Variants in ANKRD30B observed in about 807,000 individuals in gnomAD.
ANKRD30B encodes the protein ankyrin repeat domain 30B, also known as ankyrin repeat domain-containing protein 30B.
Under a neutral mutation model 202.2 loss-of-function variants are expected in ANKRD30B, and 144 were observed. The observed-to-expected ratio is 0.71, with a 90% CI of 0.62 to 0.82. The LOEUF (loss-of-function observed/expected upper bound fraction) is 0.82, where lower values mean the gene tolerates loss of function less well. Among genes scored for constraint, ANKRD30B ranks in the 40% least tolerant of loss-of-function variants. The pLI, the probability that ANKRD30B is intolerant of heterozygous loss-of-function variation, is 0.00. For synonymous variants in ANKRD30B, 508 were observed against 561.3 expected (o/e 0.91, Z 1.34); for missense variants, 1,487 against 1,669.1 (o/e 0.89, Z 1.90).
At chr18:14,824,160 C>G (rs1012684677) in intron 32 of ANKRD30B, among the ~76,000 whole-genome samples, 1 of 150,456 alleles carries the variant, frequency 6.6e-6, no homozygotes, top group Non-Finnish European at 1.5e-5. Context: ...CAGTTAGCTC[C>G]GCTTTGATTT....
chr18:14,826,673 TCC>T (rs751436169), intron 32 of ANKRD30B, among the ~76,000 whole-genome samples: 10 of 120,044 alleles, frequency 8.3e-5, no homozygotes, highest in African/African-American at 1.4e-4. Context: ...TCTCTCTCTC[TCC>T]CCCTCTCTCT....
At chr18:14,872,743 C>A in the ANKRD30B span, among the ~76,000 whole-genome samples, 20 of 152,256 alleles carry the variant, frequency 1.3e-4, no homozygotes, top group East Asian at 3.1e-3. Context: ...AGCCCTGAAA[C>A]CTTCCAGGCT....
At chr18:14,931,547 G>A in the ANKRD30B span, among the ~76,000 whole-genome samples, 1 of 152,198 alleles carries the variant, frequency 6.6e-6, no homozygotes, top group Admixed American at 6.5e-5. Context: ...CTCTAGCAGT[G>A]TAAGGCGGAG....
At chr18:14,775,092 A>C (rs762260233) in intron 9 of ANKRD30B, among the ~76,000 whole-genome samples, 1 of 152,204 alleles carries the variant, frequency 6.6e-6, no homozygotes, top group South Asian at 2.1e-4. Flanking sequence ...ATGCCACTGC[A>C]CTCCAGCCTG....
chr18:14,795,722 C>T (rs1456688507), intron 16 of ANKRD30B, among the ~76,000 whole-genome samples: 2 of 152,150 alleles, frequency 1.3e-5, no homozygotes, highest in Non-Finnish European at 2.9e-5. Flanking sequence ...GAATTCTCAT[C>T]GCAGCTTTGC....
chr18:14,860,359 C>A, the ANKRD30B span, among the ~76,000 whole-genome samples: 2 of 116,550 alleles, frequency 1.7e-5, no homozygotes, highest in East Asian at 2.6e-4. Flanking sequence ...GGCTGCCGGG[C>A]AGAGGCGCTC....
chr18:14,932,461 C>G, the ANKRD30B span, among the ~76,000 whole-genome samples: 1 of 152,148 alleles, frequency 6.6e-6, no homozygotes, highest in African/African-American at 2.4e-5. Context: ...CTCAGCCTCC[C>G]GAGTAGCTGG....
At chr18:14,881,059 G>A in the ANKRD30B span, among the ~76,000 whole-genome samples, 1 of 152,120 alleles carries the variant, frequency 6.6e-6, no homozygotes, top group Non-Finnish European at 1.5e-5. Flanking sequence ...CCTCTTTACC[G>A]ATTTGGATTT....
Position 14,825,350 on chromosome 18 carries a change from G to A in ANKRD30B, c.2743+2673G>A, listed in dbSNP as rs1427807657. 4 of 152,132 alleles carry A rather than the reference G, an allele frequency of 2.6e-5. No homozygotes were observed. The East Asian group carries it at 7.7e-4, about 29-fold the overall frequency. 9.4% of individuals were successfully genotyped at this position (152,132 alleles called of 1,614,324 possible). A position where few individuals can be genotyped will look rare whatever the true frequency, so the allele number is the denominator to read the frequency against. ...TGCCTGAGTCTGCATTCTTGGCCTC[G>A]ATAAGCCTGCAAAGTTCACATTTAT... On this transcript the variant is annotated intron_variant, in intron 32 of 43. Coordinates refer to ENST00000690538, the MANE Select transcript of ANKRD30B (RefSeq NM_001367607.2).
chr18:14,752,799 C>A, intron 2 of ANKRD30B, 40 bp from the exon 3 acceptor site: 1 of 1,570,354 alleles, frequency 6.4e-7, no homozygotes, highest in Non-Finnish European at 8.7e-7. Flanking sequence ...ATTTTGATTT[C>A]CTATAATTTA....
chr18:14,782,747 T>A (rs771438669), intron 12 of ANKRD30B, 133 bp downstream of exon 12: 9 of 524,434 alleles, frequency 1.7e-5, no homozygotes, highest in Non-Finnish European at 2.6e-5. Context: ...AGTAAAATGA[T>A]AAGTTATGTA....
the ANKRD30B span, among the ~76,000 whole-genome samples, chr18:14,883,060 C>T: frequency 1.1e-4 from 16 of 142,814 alleles, no homozygotes; most frequent in East Asian, 2.1e-4. Context: ...GCAGAAAATA[C>T]GGAGGCATCT....
At chr18:14,793,889 G>T (rs940813243) in intron 16 of ANKRD30B, among the ~76,000 whole-genome samples, 6 of 148,200 alleles carry the variant, frequency 4.0e-5, no homozygotes, top group African/African-American at 1.5e-4. Context: ...GCGAGACACC[G>T]ACAAAAGAAA....
chr18:14,760,540 A>T lies in ANKRD30B; in HGVS notation c.756-14A>T. On this transcript the variant is annotated splice_polypyrimidine_tract_variant and intron_variant, in intron 5 of 43. Coordinates refer to ENST00000690538, the MANE Select transcript of ANKRD30B (RefSeq NM_001367607.2). ...TTAAAATAGTAATTTTATTTATTAC[A>T]TTTTTATACATAGCATTCATCAACA... 5 of 1,340,310 alleles carry T rather than the reference A, an allele frequency of 3.7e-6. No homozygotes were observed. Among genetic ancestry groups the T allele is most frequent in the Non-Finnish European group, 5.1e-6 (5 of 981,296 alleles). The allele number at this position is 1,340,310 out of a possible 1,614,324, so 83.0% of individuals were successfully genotyped here. A position where few individuals can be genotyped will look rare whatever the true frequency, so the allele number is the denominator to read the frequency against.
chr18:14,921,404 C>T, the ANKRD30B span, among the ~76,000 whole-genome samples: 10 of 151,996 alleles, frequency 6.6e-5, no homozygotes, highest in African/African-American at 1.9e-4. Context: ...ACAAATGAGG[C>T]GCGTGTTTAG....
intron 32 of ANKRD30B, among the ~76,000 whole-genome samples, chr18:14,826,846 A>G (rs1255988789): frequency 6.6e-6 from 1 of 152,142 alleles, no homozygotes; most frequent in Non-Finnish European, 1.5e-5. Context: ...ATAAGTGCAT[A>G]TTTGTGATAA....
intron 34 of ANKRD30B, among the ~76,000 whole-genome samples, chr18:14,833,800 C>G (rs896140264): frequency 5.9e-5 from 9 of 152,108 alleles, no homozygotes; most frequent in Admixed American, 3.9e-4. Context: ...TTTTCTTTCA[C>G]GACTGAAGCT....
intron 9 of ANKRD30B, among the ~76,000 whole-genome samples, chr18:14,776,554 T>G (rs530143634): frequency 1.2e-4 from 19 of 152,332 alleles, no homozygotes; most frequent in South Asian, 4.1e-4. Flanking sequence ...CATTTTGTTC[T>G]TAACAACTTA....
chr18:14,765,901 A>G (rs1411474427), intron 7 of ANKRD30B, among the ~76,000 whole-genome samples: 1 of 151,988 alleles, frequency 6.6e-6, no homozygotes. Context: ...GTTTTACTGA[A>G]TTTTTTTTAA....
Sources: gnomAD v4.1 joint callset for allele counts (sites outside exome capture counted in the v4.1 genomes callset) on GRCh38, gnomAD v4.1.1 for gene constraint, MANE v1.5 for transcripts, NCBI Gene and HGNC (gene_info 2026-07-23, HGNC 2026-07-21) for gene names.